Variants in ACTN2 observed in about 807,000 individuals in gnomAD.
ACTN2 encodes actinin alpha 2.
A neutral mutation model predicts 113.8 loss-of-function variants in ACTN2; 39 were observed. That is an observed-to-expected ratio of 0.34 (90% confidence interval 0.27 to 0.45). The LOEUF is 0.45. Ranked by LOEUF, ACTN2 falls within the 20% of genes least tolerant of loss-of-function variation. ACTN2 has a pLI of 1.00. For synonymous variants in ACTN2, 429 were observed against 444.1 expected (o/e 0.97, Z 0.43); for missense variants, 992 against 1,177.9 (o/e 0.84, Z 2.31).
At position 236,709,255 on chromosome 1, in the gene ACTN2, TAC is replaced by T. The variant is rs372642966; in HGVS notation, c.127-8587_127-8586del. Among the ~76,000 whole-genome samples the T allele has an allele frequency of 3.8e-3, 265 of 68,864 alleles. 1 individual carries two copies. The highest frequency in any genetic ancestry group is 7.1e-3 in the African/African-American group (135 of 18,886). The allele number at this position is 68,864 out of a possible 152,430, so 45.2% of individuals were successfully genotyped here. A position where few individuals can be genotyped will look rare whatever the true frequency, so the allele number is the denominator to read the frequency against. ...ATATATATATATATATATATATATA[TAC>T]ACACACACACACACATATATATGTA... On this transcript the variant is annotated intron_variant, in intron 1 of 20. Transcript: ENST00000366578.
intron 9 of ACTN2, among the ~76,000 whole-genome samples, chr1:236,738,829 A>T (rs1020826504): frequency 2.4e-4 from 36 of 152,246 alleles, no homozygotes; most frequent in Non-Finnish European, 1.9e-4. Flanking sequence ...GCCCAGGCTT[A>T]CAATACAGTT....
Position 236,762,725 on chromosome 1 carries a change from AG to A in ACTN2, c.*110del, listed in dbSNP as rs199921605. ...AGCTTTATTAAGTTGAGAGAGAGAG[AG>A]GGGAAAAAAAAAAGCCTTTCGTAGT... On this transcript the variant is annotated 3_prime_UTR_variant, in exon 21 of 21. Coordinates refer to ENST00000366578, the MANE Select transcript of ACTN2 (RefSeq NM_001103.4). 4.9e-6 allele frequency: 6 copies of A among 1,227,558 alleles called. No homozygotes were observed. The Admixed American group carries it at 8.9e-5, about 18-fold the overall frequency. The allele number at this position is 1,227,558 out of a possible 1,614,324, so 76.0% of individuals were successfully genotyped here.
chr1:236,740,050 T>C (rs1558241807), intron 10 of ACTN2, among the ~76,000 whole-genome samples: 1 of 152,078 alleles, frequency 6.6e-6, no homozygotes, highest in East Asian at 1.9e-4. Flanking sequence ...TGGCTCCCCT[T>C]CACAGCAAAA....
intron 11 of ACTN2, among the ~76,000 whole-genome samples, chr1:236,744,189 C>T (rs1020760701): frequency 6.6e-6 from 1 of 152,150 alleles, no homozygotes; most frequent in African/African-American, 2.4e-5. Flanking sequence ...CAGAGTATAG[C>T]TTTCAAACAA....
chr1:236,710,710 C>G (rs917393082), intron 1 of ACTN2, among the ~76,000 whole-genome samples: 2 of 152,198 alleles, frequency 1.3e-5, no homozygotes, highest in African/African-American at 4.8e-5. Flanking sequence ...AGCTGCTCCC[C>G]ATTGCCCGAA....
intron 9 of ACTN2, among the ~76,000 whole-genome samples, chr1:236,738,285 T>G (rs1424693800): frequency 2.6e-5 from 4 of 152,238 alleles, no homozygotes; most frequent in Non-Finnish European, 5.9e-5. Flanking sequence ...CCGGGATTAT[T>G]GGCGTGAGCC....
chr1:236,697,130 C>G (rs1285835180), intron 1 of ACTN2, among the ~76,000 whole-genome samples: 1 of 152,094 alleles, frequency 6.6e-6, no homozygotes, highest in Non-Finnish European at 1.5e-5. Flanking sequence ...GATTTGAAGC[C>G]AGGTACAGCA....
At chr1:236,695,942 C>T (rs935317870) in intron 1 of ACTN2, among the ~76,000 whole-genome samples, 2 of 152,118 alleles carry the variant, frequency 1.3e-5, no homozygotes, top group African/African-American at 4.8e-5. Context: ...CATAAAAAGC[C>T]ATGCTATCTT....
At chr1:236,736,188 C>T (rs1280134946) in intron 8 of ACTN2, among the ~76,000 whole-genome samples, 2 of 152,210 alleles carry the variant, frequency 1.3e-5, no homozygotes, top group African/African-American at 4.8e-5. Flanking sequence ...AGAGTTGGAA[C>T]CTCAAAAAAT....
intron 4 of ACTN2, among the ~76,000 whole-genome samples, chr1:236,725,140 G>A (rs975884906): frequency 2.0e-5 from 3 of 152,156 alleles, no homozygotes; most frequent in Non-Finnish European, 2.9e-5. Context: ...CAATTGTCCT[G>A]TAAGACTCAC....
In ACTN2 at chr1:236,744,660, G is replaced by A. The variant is rs765911535; in HGVS notation, c.1290G>A (p.Glu430=). The A allele has an allele frequency of 3.1e-6, 5 of 1,614,118 alleles. No homozygotes were observed. In the African/African-American group the frequency reaches 5.3e-5, roughly 17 times the overall value. Residue 430 remains glutamate, a synonymous_variant, in exon 12 of 21, where the codon GAG becomes GAA. Transcript: ENST00000366578. ...KEQILLQKDY[E]SASLTEVRAL... is the part of the protein sequence containing the mutation. ...AGATCTTGCTGCAGAAGGATTACGA[G>A]TCGGCGTCGCTGACAGAGGTGCGGG...
intron 7 of ACTN2, among the ~76,000 whole-genome samples, chr1:236,733,516 C>T (rs891101236): frequency 1.3e-5 from 2 of 152,212 alleles, no homozygotes; most frequent in Admixed American, 6.5e-5. Context: ...CTTCGTCTTT[C>T]CCTTTTAATG....
At chr1:236,701,542 C>CG (rs1657678084) in intron 1 of ACTN2, among the ~76,000 whole-genome samples, 2 of 152,224 alleles carry the variant, frequency 1.3e-5, no homozygotes, top group African/African-American at 4.8e-5. Context: ...CCCTCTGAAA[C>CG]GGGGTTGACT....
rs1196855597 is a variant in ACTN2 at position 236,755,140 on chromosome 1, A to G, written c.2096A>G (p.His699Arg). The G allele has an allele frequency of 1.2e-6, 2 of 1,614,226 alleles. No individual in the cohort carries two copies. Among genetic ancestry groups the G allele is most frequent in the East Asian group, 2.2e-5 (1 of 44,884 alleles). The change falls in exon 17 of 21, where the codon CAT (histidine) becomes CGT (arginine). Residue 699 changes from histidine (H) to arginine (R), a missense_variant. Around this residue, in one of 3 missense-constraint regions of ACTN2, gnomAD observed 736 missense variants for 815.4 expected, o/e 0.90. Coordinates refer to ENST00000366578, the MANE Select transcript of ACTN2 (RefSeq NM_001103.4). ...KNNIDKLEGDHQLIQEALVFD... is the reference protein window; with the variant it reads ...KNNIDKLEGDRQLIQEALVFD... Reference sequence around the variant, plus strand: ...AACATCGACAAGCTGGAGGGAGACCATCAGCTCATCCAGGAGGCCCTTGTC... The same window carrying G: ...AACATCGACAAGCTGGAGGGAGACCGTCAGCTCATCCAGGAGGCCCTTGTC...
intron 13 of ACTN2, among the ~76,000 whole-genome samples, chr1:236,748,432 A>T (rs997916906): frequency 5.3e-5 from 8 of 152,184 alleles, no homozygotes; most frequent in African/African-American, 1.7e-4. Context: ...GAAAGACCAG[A>T]CATGTAACAG....
intron 14 of ACTN2, among the ~76,000 whole-genome samples, chr1:236,751,244 A>G (rs185753306): frequency 6.6e-6 from 1 of 152,312 alleles, no homozygotes. Context: ...CTCTACATGA[A>G]TAGCCACCAA....
rs1442074459 is a variant in ACTN2, at chr1:236,761,003, A to G, written c.2368-12A>G. 3 of 1,614,086 alleles carry G rather than the reference A, an allele frequency of 1.9e-6. No homozygotes were observed. Among genetic ancestry groups the G allele is most frequent in the East Asian group, 4.5e-5 (2 of 44,894 alleles). ...CCGTTCGTGTACATGTTTCTTTGCC[A>G]CTTTGCCCCAGGGTGAAGCCGAATT... On this transcript the variant is annotated splice_polypyrimidine_tract_variant and intron_variant, in intron 19 of 20. Coordinates refer to ENST00000366578, the MANE Select transcript of ACTN2 (RefSeq NM_001103.4).
chr1:236,702,774 A>G (rs1657714625), intron 1 of ACTN2, among the ~76,000 whole-genome samples: 1 of 152,198 alleles, frequency 6.6e-6, no homozygotes, highest in Non-Finnish European at 1.5e-5. Flanking sequence ...GGGGAAAGCT[A>G]TAGCTGTACC....
chr1:236,739,962 C>T (rs1353049095), intron 10 of ACTN2, among the ~76,000 whole-genome samples: 1 of 152,188 alleles, frequency 6.6e-6, no homozygotes, highest in African/African-American at 2.4e-5. Flanking sequence ...ATCATGCACA[C>T]CAGCATACAA....
Sources: allele counts gnomAD v4.1 joint callset (sites outside exome capture counted in the v4.1 genomes callset), GRCh38; gene constraint gnomAD v4.1.1; regional missense constraint gnomAD v4.1.1; transcripts MANE v1.5; gene names NCBI Gene and HGNC (gene_info 2026-07-23, HGNC 2026-07-21).